Variants in HK1 observed in about 807,000 individuals in gnomAD.
The protein encoded by HK1 is hexokinase 1.
A neutral mutation model predicts 91.6 loss-of-function variants in HK1; 28 were observed. The observed-to-expected ratio is 0.31, with a 90% CI of 0.23 to 0.42. The LOEUF (loss-of-function observed/expected upper bound fraction) is 0.42. Among genes scored for constraint, HK1 ranks in the 10% least tolerant of loss-of-function variants. HK1 has a pLI of 1.00. For missense variants in HK1, 770 were observed against 1,219.8 expected (o/e 0.63, Z 5.49); for synonymous variants, 430 against 468.1 (o/e 0.92, Z 1.05).
chr10:69,295,665 A>C, exon 4 of HK1: 1 of 1,605,362 alleles, frequency 6.2e-7, no homozygotes, highest in South Asian at 1.1e-5. Flanking sequence ...AACTTCATCT[A>C]CTTGCTGAAA....
At position 69,376,928 on chromosome 10, in the gene HK1, C is replaced by T. The variant is rs1446271603; in HGVS notation, c.876-6C>T. ...CTGACAAGTGCCGGTGTGCCTTTCT[C>T]CACAGGTTTGAGAAGATGGTCAGTG... On this transcript the variant is annotated splice_polypyrimidine_tract_variant and splice_region_variant and intron_variant, in intron 7 of 17. Transcript: ENST00000359426. 6 of 1,614,030 alleles carry T rather than the reference C, an allele frequency of 3.7e-6. No homozygotes were observed. The highest frequency in any genetic ancestry group is 1.3e-5 in the African/African-American group (1 of 74,914).
intron 15 of HK1, 110 bp from the exon 16 acceptor site, chr10:69,394,840 G>T: frequency 9.2e-7 from 1 of 1,081,892 alleles, no homozygotes; most frequent in Non-Finnish European, 1.4e-6. Context: ...CATGGCTGTT[G>T]ATGATGCGCT....
intron 1 of HK1, among the ~76,000 whole-genome samples, chr10:69,271,665 GATGGGGTTTCACC>G (rs1158929894): frequency 6.6e-6 from 1 of 151,732 alleles, no homozygotes; most frequent in African/African-American, 2.4e-5. Context: ...TTTTATTAGA[GATGGGGTTTCACC>G]ATGTTAGCCA....
intron 2 of HK1, among the ~76,000 whole-genome samples, chr10:69,287,391 C>G (rs1192258143): frequency 6.6e-6 from 1 of 152,194 alleles, no homozygotes; most frequent in Non-Finnish European, 1.5e-5. Flanking sequence ...CCTGGTCTCT[C>G]CCTTGACATG....
chr10:69,374,923 G>T (rs941978845), intron 7 of HK1, among the ~76,000 whole-genome samples: 2 of 152,178 alleles, frequency 1.3e-5, no homozygotes, highest in African/African-American at 2.4e-5. Flanking sequence ...GCTGGGGTAG[G>T]GTGGTCCTAG....
In HK1 at chr10:69,293,335, G is replaced by C. The variant is rs556007924; in HGVS notation, c.-114-2298G>C. On this transcript the variant is annotated intron_variant, in intron 3 of 21. Transcript: ENST00000360289. ...CTCAGTTCACCTCCAATAGGTCTAG[G>C]TTTCCTTTTCCATGAAGTATTCCAG... Among the ~76,000 whole-genome samples the C allele has an allele frequency of 3.3e-5, 5 of 152,226 alleles. No individual in the cohort carries two copies. In the East Asian group the frequency reaches 7.7e-4, roughly 24 times the overall value.
Position 69,394,962 on chromosome 10 carries a change from G to T in HK1, c.2232G>T (p.Met744Ile). Residue 744 changes from methionine to isoleucine, a missense_variant, in exon 16 of 18, where the codon ATG becomes ATT. Met to Ile is a conservative substitution (Grantham distance 10). Around this residue, in one of 7 missense-constraint regions of HK1, gnomAD observed 152 missense variants for 211.1 expected, o/e 0.72. Transcript: ENST00000359426. ...LNAGKQRYEK[M>I]ISGMYLGEIV... ...CCTCCTGTCTCAGGTATGAGAAGAT[G>T]ATCAGTGGTATGTACCTGGGTGAAA... 6.2e-7 allele frequency: 1 copy of T among 1,614,156 alleles called. No homozygotes were observed. The highest frequency in any genetic ancestry group is 1.1e-5 in the South Asian group (1 of 91,072).
intron 3 of HK1, among the ~76,000 whole-genome samples, chr10:69,289,980 C>G (rs1456461159): frequency 3.3e-5 from 5 of 151,862 alleles, no homozygotes; most frequent in Non-Finnish European, 4.4e-5. Flanking sequence ...TGAAATAAAC[C>G]CTGGAAAATG....
chr10:69,384,786 T>G lies in HK1; in HGVS notation c.1720-10T>G, dbSNP rs1325317859. 1 of 1,614,178 alleles carries G rather than the reference T, an allele frequency of 6.2e-7. No homozygotes were observed. Among genetic ancestry groups the G allele is most frequent in the Non-Finnish European group, 8.5e-7 (1 of 1,180,018 alleles). ...AGAGAGCACGGGCGATCCTTTCTTT[T>G]CCCCTGCAGCTGTTTGATCACATTG... On this transcript the variant is annotated splice_polypyrimidine_tract_variant and intron_variant, in intron 11 of 17. Transcript: ENST00000359426.
At chr10:69,394,371 T>C (rs1255856124) in intron 15 of HK1, among the ~76,000 whole-genome samples, 1 of 152,156 alleles carries the variant, frequency 6.6e-6, no homozygotes, top group Admixed American at 6.6e-5. Context: ...CTAGAAACTT[T>C]CCTTTTTTTT....
chr10:69,387,024 A>G (rs2132910115), intron 13 of HK1, among the ~76,000 whole-genome samples: 1 of 152,254 alleles, frequency 6.6e-6, no homozygotes, highest in South Asian at 2.1e-4. Context: ...TGGCACTCTC[A>G]GTTAGGCCTT....
intron 2 of HK1, among the ~76,000 whole-genome samples, chr10:69,350,518 T>C (rs1848792961): frequency 6.6e-6 from 1 of 151,776 alleles, no homozygotes; most frequent in East Asian, 2.0e-4. Flanking sequence ...AAAAATTAGT[T>C]GGGCGTGGTG....
intron 1 of HK1, among the ~76,000 whole-genome samples, chr10:69,335,830 C>T (rs1847950224): frequency 6.6e-6 from 1 of 152,192 alleles, no homozygotes; most frequent in Non-Finnish European, 1.5e-5. Flanking sequence ...GTCTACATGG[C>T]CCCGACTGTG....
At chr10:69,368,816 G>A (rs372946151) in intron 5 of HK1, among the ~76,000 whole-genome samples, 185 bp downstream of exon 5, 256 of 152,248 alleles carry the variant, frequency 1.7e-3, no homozygotes, top group African/African-American at 6.0e-3. Context: ...CCCAGCTCTC[G>A]GAGGTGCTGC....
Position 69,377,100 on chromosome 10 carries a change from T to TC in HK1, c.1031+15dup, listed in dbSNP as rs1383304160. Reference sequence around the variant, plus strand: ...GTCAGCCATCGAAAAGTAGGTACCATCCCCTCAAGGCTTTCTTGGGGTGTT... The same window carrying TC: ...GTCAGCCATCGAAAAGTAGGTACCATCCCCCTCAAGGCTTTCTTGGGGTGTT... On this transcript the variant is annotated intron_variant, in intron 8 of 17. Transcript: ENST00000359426. 33 of 1,613,746 alleles carry TC rather than the reference T, an allele frequency of 2.0e-5. No individual in the cohort carries two copies. The highest frequency in any genetic ancestry group is 2.6e-5 in the Non-Finnish European group (31 of 1,179,866).
intron 2 of HK1, among the ~76,000 whole-genome samples, chr10:69,354,373 G>A (rs955139367): frequency 4.6e-5 from 7 of 152,140 alleles, no homozygotes; most frequent in Non-Finnish European, 8.8e-5. Flanking sequence ...TGGCTGGGGA[G>A]GCCTCAGGAA....
At chr10:69,364,208 T>G (rs1164171753) in intron 3 of HK1, among the ~76,000 whole-genome samples, 2 of 152,226 alleles carry the variant, frequency 1.3e-5, no homozygotes, top group East Asian at 3.8e-4. Flanking sequence ...GTTACATGGA[T>G]AGCTGCAGCT....
In HK1 at chr10:69,364,772, GT is replaced by G; in HGVS notation, c.376-8del. On this transcript the variant is annotated splice_polypyrimidine_tract_variant and intron_variant, in intron 3 of 17. Coordinates refer to ENST00000359426, the MANE Select transcript of HK1 (RefSeq NM_000188.3). ...TTTGGGGCCCCCTGACTGCTCTCAT[GT>G]TTCCTTCAGCTTTTTGATCATGTTG... 2 of 1,614,176 alleles carry G rather than the reference GT, an allele frequency of 1.2e-6. No homozygotes were observed. Among genetic ancestry groups the G allele is most frequent in the South Asian group, 2.2e-5 (2 of 91,084 alleles).
At chr10:69,295,704 A>G in intron 4 of HK1, 1 of 1,387,122 alleles carries the variant, frequency 7.2e-7, no homozygotes, top group East Asian at 2.3e-5. Flanking sequence ...TTTTTTTTTT[A>G]TTTCCTTCTG....
Sources: allele counts gnomAD v4.1 joint callset (sites outside exome capture counted in the v4.1 genomes callset), GRCh38; gene constraint gnomAD v4.1.1; regional missense constraint gnomAD v4.1.1; transcripts MANE v1.5; gene names NCBI Gene and HGNC (gene_info 2026-07-23, HGNC 2026-07-21).